The following UGT2A3 variants were observed in gnomAD, a reference collection of about 807,000 sequenced individuals.
UGT2A3 encodes UDP-glucuronosyltransferase 2A3.
UGT2A3 carries 55 observed loss-of-function variants against 44.1 expected under a neutral mutation model. The observed-to-expected ratio is 1.25, with a 90% CI of 1.00 to 1.56. UGT2A3 has a LOEUF of 1.56. Among genes scored for constraint, UGT2A3 ranks in the 40% most tolerant of loss-of-function variants. The pLI is 0.00. For missense variants in UGT2A3, 733 were observed against 621.6 expected, an observed-to-expected ratio of 1.18 and a Z score of -1.91; for synonymous variants, 243 against 215.1, an observed-to-expected ratio of 1.13 and a Z score of -1.13.
At chr4:68,950,828 T>C (rs1035937591) in intron 1 of UGT2A3, among the ~76,000 whole-genome samples, 17 of 151,854 alleles carry the variant, frequency 1.1e-4, no homozygotes. Flanking sequence ...CAAAATATAA[T>C]CTCTTAGTTA....
At chr4:68,949,819 TATA>T (rs1291874403) in intron 1 of UGT2A3, among the ~76,000 whole-genome samples, 1 of 151,830 alleles carries the variant, frequency 6.6e-6, no homozygotes. Flanking sequence ...CTATAAAATA[TATA>T]ATAATCAATA....
chr4:68,949,912 AG>A (rs2109798522), intron 1 of UGT2A3, among the ~76,000 whole-genome samples: 1 of 152,024 alleles, frequency 6.6e-6, no homozygotes, highest in Non-Finnish European at 1.5e-5. Context: ...TGATTTTTAA[AG>A]AATTGTTGGG....
chr4:68,942,270 C>T (rs1718215003), intron 2 of UGT2A3, among the ~76,000 whole-genome samples: 1 of 150,150 alleles, frequency 6.7e-6, no homozygotes, highest in African/African-American at 2.4e-5. Flanking sequence ...AAAAAATATA[C>T]ATATATATAT....
chr4:68,947,938 C>A (rs1718439267), intron 1 of UGT2A3, among the ~76,000 whole-genome samples: 1 of 151,688 alleles, frequency 6.6e-6, no homozygotes, highest in Admixed American at 6.6e-5. Context: ...ATAACACAGG[C>A]AAAGTAGATT....
chr4:68,935,272 GTA>G (rs57461958), intron 2 of UGT2A3, among the ~76,000 whole-genome samples: 16,965 of 88,896 alleles, frequency 0.19, 2,185 homozygotes, highest in African/African-American at 0.23. Context: ...ATGTATGTAT[GTA>G]TGTATATATA....
intron 2 of UGT2A3, among the ~76,000 whole-genome samples, chr4:68,935,204 C>A (rs1717889002): frequency 6.8e-6 from 1 of 147,314 alleles, no homozygotes; most frequent in Admixed American, 6.8e-5. Context: ...AAAAACACTT[C>A]AGTATCATCT....
At chr4:68,946,338 G>T (rs1417138141) in intron 1 of UGT2A3, among the ~76,000 whole-genome samples, 1 of 151,690 alleles carries the variant, frequency 6.6e-6, no homozygotes, top group Non-Finnish European at 1.5e-5. Flanking sequence ...AGTGTGGAGA[G>T]CCTCTTTTTA....
rs771598845 is a variant in UGT2A3, at chr4:68,929,956, G to A, written c.1441C>T (p.Leu481Phe). 1.7e-5 allele frequency: 27 copies of A among 1,613,536 alleles called. No individual in the cohort carries two copies. In the East Asian group the frequency reaches 3.8e-4, roughly 23 times the overall value. The change falls in exon 6 of 6, where the codon CTC (leucine) becomes TTC (phenylalanine). Residue 481 changes from leucine (L) to phenylalanine (F), a missense_variant. Leu to Phe is a conservative substitution (Grantham distance 22, BLOSUM62 0). Transcript: ENST00000251566. ...ATAGAGTAGTGCTGGAACCAGGTGAGGTCATGGGCAGCTGATCGCAGGTGC... is the reference window on the plus strand; with the variant it reads ...ATAGAGTAGTGCTGGAACCAGGTGAAGTCATGGGCAGCTGATCGCAGGTGC... Reference protein sequence around the residue: ...AKHLRSAAHDLTWFQHYSIDV... With the variant: ...AKHLRSAAHDFTWFQHYSIDV...
rs370567710 is a variant in UGT2A3, at chr4:68,930,954, C to T, written c.1085-189G>A. The stretch of plus-strand genomic sequence containing the variant: ...CCAGAAAAATAGGCATTAATTCCTT[C>T]TGAATTTCCTGTCACTCTCACCTTA... On this transcript the variant is annotated intron_variant, in intron 4 of 5. Transcript: ENST00000251566. Among the ~76,000 whole-genome samples the T allele has an allele frequency of 1.6e-4, 25 of 152,192 alleles. No homozygotes were observed. The East Asian group carries it at 2.1e-3, about 13-fold the overall frequency.
chr4:68,947,072 A>G (rs1718408703), intron 1 of UGT2A3, among the ~76,000 whole-genome samples: 1 of 151,666 alleles, frequency 6.6e-6, no homozygotes, highest in South Asian at 2.1e-4. Context: ...AAATTAGACA[A>G]CAAAGATTGT....
In UGT2A3 at chr4:68,951,565, A is replaced by G. The variant is rs1245193666; in HGVS notation, c.196T>C (p.Tyr66His). Residue 66 changes from tyrosine to histidine, a missense_variant, in exon 1 of 6, where the codon TAC (tyrosine) becomes CAC (histidine). By Grantham distance (83) the Tyr-to-His change is moderately conservative (BLOSUM62 2). Transcript: ENST00000251566. ...AATTTCAATGCAGAAGGCTTCCTGT[A>G]GTCAATTAACGAAGGCTTTGAGTGA... ...LTHSKPSLID[Y>H]RKPSALKFEV... The G allele has an allele frequency of 6.2e-7, 1 of 1,613,114 alleles. No homozygotes were observed. The highest frequency in any genetic ancestry group is 1.7e-4 in the Middle Eastern group (1 of 6,054).
chr4:68,937,361 C>A (rs932656464), intron 2 of UGT2A3, among the ~76,000 whole-genome samples: 1 of 152,100 alleles, frequency 6.6e-6, no homozygotes, highest in African/African-American at 2.4e-5. Flanking sequence ...TCACAACAGT[C>A]TCTCAGACCA....
chr4:68,935,623 T>C (rs1382805364), intron 2 of UGT2A3, among the ~76,000 whole-genome samples: 1 of 151,896 alleles, frequency 6.6e-6, no homozygotes, highest in African/African-American at 2.4e-5. Flanking sequence ...GCAGAAAAGC[T>C]GAATGTTCTA....
intron 2 of UGT2A3, among the ~76,000 whole-genome samples, chr4:68,936,425 G>T (rs1445120435): frequency 3.3e-5 from 5 of 152,206 alleles, no homozygotes; most frequent in Non-Finnish European, 5.9e-5. Context: ...TTAAAGGAAA[G>T]AATTTTCAAC....
In UGT2A3 at chr4:68,931,282, G is replaced by A. The variant is rs112155236; in HGVS notation, c.997-40C>T. 11,537 of 1,458,442 alleles carry A rather than the reference G, an allele frequency of 7.9e-3. 635 individuals are homozygous for A. In the East Asian group the frequency reaches 0.15, roughly 19 times the overall value. 90.3% of individuals were successfully genotyped at this position (1,458,442 alleles called of 1,614,324 possible). ...CATGTATTTCACAGAGTGAACCACA[G>A]GATATTAGCATTCTAAGGATGTAGA... is the stretch of plus-strand genomic sequence containing the variant. On this transcript the variant is annotated intron_variant, in intron 3 of 5. Coordinates refer to ENST00000251566, the MANE Select transcript of UGT2A3 (RefSeq NM_024743.4).
intron 2 of UGT2A3, among the ~76,000 whole-genome samples, chr4:68,937,436 C>G (rs1717994065): frequency 2.0e-5 from 3 of 152,070 alleles, no homozygotes; most frequent in South Asian, 4.1e-4. Context: ...TACATAGAAA[C>G]TGAGTAACCT....
chr4:68,935,117 T>C (rs1717884567), intron 2 of UGT2A3, among the ~76,000 whole-genome samples: 1 of 151,430 alleles, frequency 6.6e-6, no homozygotes, highest in Non-Finnish European at 1.5e-5. Flanking sequence ...GTCTTCACTA[T>C]GAAATTCAAC....
chr4:68,929,859 G>C lies in UGT2A3; in HGVS notation c.1538C>G (p.Ser513Cys), dbSNP rs538108645. Residue 513 changes from serine (S) to cysteine (C), a missense_variant, in exon 6 of 6, where the codon TCC (serine) becomes TGC (cysteine). Transcript: ENST00000251566. ...IFLFTKCFLFSCQKFNKTRKI... is the reference protein window; with the variant it reads ...IFLFTKCFLFCCQKFNKTRKI... ...TCTAGTTTTATTAAATTTTTGACAG[G>C]AAAATAAAAAACATTTTGTGAACAA... The C allele has an allele frequency of 1.2e-6, 2 of 1,606,738 alleles. No homozygotes were observed. The highest frequency in any genetic ancestry group is 2.7e-5 in the African/African-American group (2 of 74,620).
intron 3 of UGT2A3, among the ~76,000 whole-genome samples, chr4:68,932,371 T>C (rs1717768407): frequency 6.6e-6 from 1 of 151,876 alleles, no homozygotes; most frequent in South Asian, 2.1e-4. Flanking sequence ...CTTTTAGATT[T>C]CAAATCCTAA....
Sources: gnomAD v4.1 joint callset for allele counts (sites outside exome capture counted in the v4.1 genomes callset) on GRCh38, gnomAD v4.1.1 for gene constraint, MANE v1.5 for transcripts, NCBI Gene and HGNC (gene_info 2026-07-23, HGNC 2026-07-21) for gene names.